The following APOLD1 variants were observed in gnomAD, a reference collection of about 807,000 sequenced individuals.
APOLD1 encodes apolipoprotein L domain containing 1, also known as apolipoprotein L domain-containing protein 1.
In APOLD1, 22 loss-of-function variants were observed where a neutral mutation model predicts 15.3. The observed-to-expected ratio is 1.44, with a 90% CI of 1.03 to 2.05. The LOEUF (loss-of-function observed/expected upper bound fraction) is 2.05, where lower values mean the gene tolerates loss of function less well. Ranked by LOEUF, APOLD1 falls within the 30% of genes most tolerant of loss-of-function variation. The probability of loss-of-function intolerance (pLI) is 0.00; values close to 1 mark genes in which losing one functional copy is unlikely to be tolerated. For missense variants in APOLD1, 394 were observed against 353.5 expected (o/e 1.11, Z -0.92); for synonymous variants, 190 against 167.4 (o/e 1.13, Z -1.04).
chr12:12,744,771 T>C (rs1946753021), intron 1 of APOLD1, among the ~76,000 whole-genome samples: 1 of 152,298 alleles, frequency 6.6e-6, no homozygotes, highest in African/African-American at 2.4e-5. Flanking sequence ...TCCTGTTGCC[T>C]GTGCTCAGTG....
chr12:12,762,796 A>G (rs1450320841), intron 1 of APOLD1, among the ~76,000 whole-genome samples: 2 of 152,152 alleles, frequency 1.3e-5, no homozygotes, highest in African/African-American at 4.8e-5. Context: ...AAGGACAAAT[A>G]TGGCCCATGA....
At chr12:12,738,443 C>G (rs1423132001) in intron 1 of APOLD1, among the ~76,000 whole-genome samples, 1 of 152,100 alleles carries the variant, frequency 6.6e-6, no homozygotes, top group Non-Finnish European at 1.5e-5. Context: ...TTTGCTCAAG[C>G]AGTCCTCCCA....
chr12:12,738,893 C>T (rs1438912220), intron 1 of APOLD1, among the ~76,000 whole-genome samples: 6 of 152,212 alleles, frequency 3.9e-5, no homozygotes, highest in Admixed American at 3.9e-4. Flanking sequence ...GCCACACCAA[C>T]TCTGTGCCAC....
In APOLD1 at chr12:12,788,421, G is replaced by T. The variant is rs1399135621; in HGVS notation, c.*769G>T. 1 of 152,200 alleles carries T rather than the reference G, an allele frequency of 6.6e-6. No individual in the cohort carries two copies. Among genetic ancestry groups the T allele is most frequent in the African/African-American group, 2.4e-5 (1 of 41,428 alleles). The allele number at this position is 152,200 out of a possible 1,614,324, so 9.4% of individuals were successfully genotyped here. On this transcript the variant is annotated 3_prime_UTR_variant, in exon 2 of 2. Transcript: ENST00000356591. The stretch of plus-strand genomic sequence containing the variant: ...CATTGTGTTCAGAAGAGAGTGATGG[G>T]TTTTGAGTTAGACAGTCCTGGGCTT...
intron 1 of APOLD1, among the ~76,000 whole-genome samples, chr12:12,780,397 C>A (rs1412600138): frequency 6.6e-6 from 1 of 151,678 alleles, no homozygotes; most frequent in Non-Finnish European, 1.5e-5. Context: ...ACTACAGGCA[C>A]ACACCACCGA....
chr12:12,740,036 C>T (rs1946719841), intron 1 of APOLD1, among the ~76,000 whole-genome samples: 1 of 149,778 alleles, frequency 6.7e-6, no homozygotes, highest in Admixed American at 6.7e-5. Context: ...GGCCAGAGTA[C>T]AGTGGTGTGA....
At chr12:12,750,586 A>ATT (rs1393221034) in intron 1 of APOLD1, among the ~76,000 whole-genome samples, 3 of 99,808 alleles carry the variant, frequency 3.0e-5, no homozygotes, top group Non-Finnish European at 5.4e-5. Flanking sequence ...ATGTTAAAGT[A>ATT]TATTTTTTCT....
chr12:12,763,877 A>G (rs997778101), intron 1 of APOLD1, among the ~76,000 whole-genome samples: 1 of 152,086 alleles, frequency 6.6e-6, no homozygotes, highest in Non-Finnish European at 1.5e-5. Flanking sequence ...TTTCCCAAAT[A>G]TTTTTGATAT....
intron 1 of APOLD1, among the ~76,000 whole-genome samples, chr12:12,756,815 C>G (rs1246250059): frequency 6.6e-6 from 1 of 151,938 alleles, no homozygotes; most frequent in Non-Finnish European, 1.5e-5. Context: ...GAGATAGAGT[C>G]TTGCTCTATT....
intron 1 of APOLD1, among the ~76,000 whole-genome samples, chr12:12,730,036 G>A (rs1230447054): frequency 1.9e-5 from 1 of 52,740 alleles, no homozygotes; most frequent in African/African-American, 7.5e-5. Flanking sequence ...TTGTGTGTGT[G>A]TGTGTGTGTG....
chr12:12,763,519 G>A (rs936815257), intron 1 of APOLD1, among the ~76,000 whole-genome samples: 1 of 151,636 alleles, frequency 6.6e-6, no homozygotes, highest in South Asian at 2.1e-4. Context: ...GTGTGTGGGG[G>A]GGGGGAAAAC....
At chr12:12,752,002 C>A (rs1946815812) in intron 1 of APOLD1, among the ~76,000 whole-genome samples, 1 of 152,192 alleles carries the variant, frequency 6.6e-6, no homozygotes, top group African/African-American at 2.4e-5. Flanking sequence ...CCCTCAGAGG[C>A]TTCAGAAGGA....
At chr12:12,729,512 G>C (rs755708109) in intron 1 of APOLD1, among the ~76,000 whole-genome samples, 11 of 151,900 alleles carry the variant, frequency 7.2e-5, no homozygotes, top group Non-Finnish European at 1.6e-4. Context: ...CTCCTGCCTT[G>C]GTCTCCAAAA....
chr12:12,739,459 G>T (rs1479297307), intron 1 of APOLD1, among the ~76,000 whole-genome samples: 1 of 152,198 alleles, frequency 6.6e-6, no homozygotes, highest in African/African-American at 2.4e-5. Context: ...TTTGTTACAG[G>T]TGATTGTCTA....
At chr12:12,729,450 G>A (rs1381953974) in intron 1 of APOLD1, among the ~76,000 whole-genome samples, 1 of 151,966 alleles carries the variant, frequency 6.6e-6, no homozygotes, top group African/African-American at 2.4e-5. Flanking sequence ...GGTAGAGACA[G>A]GATCTCTCTA....
intron 1 of APOLD1, among the ~76,000 whole-genome samples, chr12:12,746,126 G>C (rs1052236448): frequency 6.6e-6 from 1 of 152,136 alleles, no homozygotes; most frequent in East Asian, 1.9e-4. Context: ...GACCAAGAGA[G>C]AACAAAAGGA....
chr12:12,758,144 G>A (rs1479732828), intron 1 of APOLD1, among the ~76,000 whole-genome samples: 7 of 147,216 alleles, frequency 4.8e-5, no homozygotes, highest in Non-Finnish European at 7.5e-5. Context: ...CACTGTGTTA[G>A]CCAGGATGTT....
intron 1 of APOLD1, among the ~76,000 whole-genome samples, chr12:12,776,003 C>CAAAAAAAAAAAAAAAA (rs34623976): frequency 2.7e-4 from 17 of 62,172 alleles, no homozygotes; most frequent in East Asian, 6.2e-4. Flanking sequence ...GACCCAGTCT[C>CAAAAAAAAAAAAAAAA]AAAAAAAAAA....
At chr12:12,767,554 G>A (rs920674250) in intron 1 of APOLD1, among the ~76,000 whole-genome samples, 8 of 151,778 alleles carry the variant, frequency 5.3e-5, no homozygotes, top group East Asian at 1.9e-4. Context: ...TCAGCTACTC[G>A]TGAAGCTGAA....
Sources: allele counts gnomAD v4.1 joint callset (sites outside exome capture counted in the v4.1 genomes callset), GRCh38; gene constraint gnomAD v4.1.1; transcripts MANE v1.5; gene names NCBI Gene and HGNC (gene_info 2026-07-23, HGNC 2026-07-21).